Variants in GNB5 observed in about 807,000 individuals in gnomAD.
The protein encoded by GNB5 is G protein subunit beta 5, also known as guanine nucleotide-binding protein subunit beta-5.
A neutral mutation model predicts 55.3 loss-of-function variants in GNB5; 37 were observed. The observed-to-expected ratio is 0.67, with a 90% CI of 0.51 to 0.88. GNB5 has a LOEUF of 0.88. Ranked by LOEUF, GNB5 falls within the 40% of genes least tolerant of loss-of-function variation. The pLI, the probability that GNB5 is intolerant of heterozygous loss-of-function variation, is 0.00. For missense variants in GNB5, 476 were observed against 515.3 expected (o/e 0.92, Z 0.74); for synonymous variants, 219 against 198.5 (o/e 1.10, Z -0.87).
chr15:52,145,518 G>A (rs537339674), intron 6 of GNB5, among the ~76,000 whole-genome samples: 9 of 151,976 alleles, frequency 5.9e-5, no homozygotes, highest in Admixed American at 1.3e-4. Flanking sequence ...GGTGGTGCAC[G>A]CCTGTAGTCC....
chr15:52,139,802 C>A, intron 7 of GNB5: 1 of 1,239,314 alleles, frequency 8.1e-7, no homozygotes, highest in Non-Finnish European at 1.0e-6. Context: ...GAAAAGAAAG[C>A]ACTTTCTCAC....
chr15:52,179,705 T>TC, intron 3 of GNB5, 63 bp downstream of exon 3: 4 of 634,144 alleles, frequency 6.3e-6, no homozygotes, highest in Non-Finnish European at 9.1e-6. Flanking sequence ...GCCCCCGCCG[T>TC]CCCCGCCCGG....
intron 3 of GNB5, among the ~76,000 whole-genome samples, chr15:52,166,782 C>CCAAGA (rs1436241030): frequency 6.6e-6 from 1 of 151,774 alleles, no homozygotes; most frequent in East Asian, 1.9e-4. Flanking sequence ...AATTAGAGAA[C>CCAAGA]CAAGAGCAAA....
intron 3 of GNB5, among the ~76,000 whole-genome samples, chr15:52,155,389 A>C (rs1353064002): frequency 6.6e-6 from 1 of 152,202 alleles, no homozygotes; most frequent in East Asian, 1.9e-4. Context: ...CTATGACAGC[A>C]GCGTCCCTTC....
At chr15:52,171,417 G>A (rs2034552831) in intron 3 of GNB5, among the ~76,000 whole-genome samples, 2 of 152,170 alleles carry the variant, frequency 1.3e-5, no homozygotes, top group Admixed American at 1.3e-4. Flanking sequence ...TAGGTATTGA[G>A]ATTATGAATG....
chr15:52,160,494 A>C (rs2034309282), intron 3 of GNB5, among the ~76,000 whole-genome samples: 1 of 152,222 alleles, frequency 6.6e-6, no homozygotes, highest in Non-Finnish European at 1.5e-5. Flanking sequence ...TGAAAACTAG[A>C]GATCATGTTT....
rs967485902 is a variant in GNB5 at position 52,127,131 on chromosome 15, G to A, written c.912+1065C>T. On this transcript the variant is annotated intron_variant, in intron 10 of 12. Coordinates refer to ENST00000261837, the MANE Select transcript of GNB5 (RefSeq NM_016194.4). ...TGTTTTCAAGCTCTTGATTCATATG[G>A]CAAATCTGCCCTCTAGGAGGGTGGT... 1.7e-4 allele frequency among the ~76,000 whole-genome samples: 26 copies of A among 152,224 alleles called. No individual in the cohort carries two copies. In the South Asian group the frequency reaches 2.1e-3, roughly 12 times the overall value.
chr15:52,128,261 CT>C lies in GNB5; in HGVS notation c.864-18del. ...GGGTAGTACCTGCAGAGAGAAAGTACTTTATCTACGGTTGTGACTCCTGACC... is the reference window on the plus strand; with the variant it reads ...GGGTAGTACCTGCAGAGAGAAAGTACTTATCTACGGTTGTGACTCCTGACC... On this transcript the variant is annotated intron_variant, in intron 9 of 12. Transcript: ENST00000261837. 1 of 1,582,270 alleles carries C rather than the reference CT, an allele frequency of 6.3e-7. No individual in the cohort carries two copies. Among genetic ancestry groups the C allele is most frequent in the Non-Finnish European group, 8.7e-7 (1 of 1,150,926 alleles).
At chr15:52,150,638 G>A (rs1024377805) in intron 4 of GNB5, among the ~76,000 whole-genome samples, 1 of 152,250 alleles carries the variant, frequency 6.6e-6, no homozygotes, top group African/African-American at 2.4e-5. Flanking sequence ...CAGGGTGAAC[G>A]CAGAGCTGGC....
chr15:52,136,113 A>AACACACACACACACAC (rs751263225), intron 7 of GNB5, among the ~76,000 whole-genome samples: 19 of 50,728 alleles, frequency 3.7e-4, no homozygotes, highest in East Asian at 1.1e-3. Flanking sequence ...AAAAGCAGAA[A>AACACACACACACACAC]ACACACACAC....
chr15:52,176,334 C>T (rs570402511), intron 3 of GNB5, among the ~76,000 whole-genome samples: 1 of 152,354 alleles, frequency 6.6e-6, no homozygotes, highest in East Asian at 1.9e-4. Context: ...AATTATTCGA[C>T]TTTGCTAAGC....
intron 3 of GNB5, among the ~76,000 whole-genome samples, chr15:52,162,552 T>G (rs1368194776): frequency 6.6e-6 from 1 of 152,152 alleles, no homozygotes; most frequent in Non-Finnish European, 1.5e-5. Context: ...ATGTCTTAAA[T>G]AGCAAAACAA....
At chr15:52,188,126 A>G (rs2034871533) in intron 1 of GNB5, among the ~76,000 whole-genome samples, 1 of 152,172 alleles carries the variant, frequency 6.6e-6, no homozygotes, top group Admixed American at 6.5e-5. Context: ...TTGGAATTAT[A>G]TGCCATATAC....
intron 5 of GNB5, among the ~76,000 whole-genome samples, chr15:52,148,221 C>T (rs1193844683): frequency 6.6e-6 from 1 of 152,084 alleles, no homozygotes; most frequent in Non-Finnish European, 1.5e-5. Flanking sequence ...AAAATATACT[C>T]TGGAATGACT....
intron 12 of GNB5, chr15:52,123,608 T>C (rs2033334041): frequency 6.6e-6 from 1 of 151,766 alleles, no homozygotes; most frequent in Non-Finnish European, 1.5e-5. Context: ...AGTGGGATGA[T>C]CTTGGCTCAC....
intron 5 of GNB5, 39 bp downstream of exon 5, chr15:52,149,845 T>A: frequency 6.6e-7 from 1 of 1,520,634 alleles, no homozygotes; most frequent in Non-Finnish European, 9.1e-7. Flanking sequence ...AGGCTGGGAT[T>A]CTGAAGCCTC....
chr15:52,173,191 G>C (rs993488769), intron 3 of GNB5, among the ~76,000 whole-genome samples: 32 of 152,184 alleles, frequency 2.1e-4, no homozygotes, highest in African/African-American at 7.5e-4. Flanking sequence ...AGTAATTTTA[G>C]AGAGTGATGA....
At chr15:52,149,569 C>A in intron 5 of GNB5, 1 of 579,396 alleles carries the variant, frequency 1.7e-6, no homozygotes, top group African/African-American at 1.9e-5. Context: ...TCTTATCACT[C>A]AGAAGACAAA....
In GNB5 at chr15:52,184,504, T is replaced by A. The variant is rs2034816628; in HGVS notation, c.126+47A>T. 2.6e-6 allele frequency: 4 copies of A among 1,558,874 alleles called. No individual in the cohort carries two copies. In the East Asian group the frequency reaches 9.0e-5, roughly 35 times the overall value. ...TCTCATCTGTCACAGGACCCTCGCT[T>A]GACTGTTTTAAGACAGATAACTGAA... On this transcript the variant is annotated intron_variant, in intron 2 of 12. Coordinates refer to ENST00000261837, the MANE Select transcript of GNB5 (RefSeq NM_016194.4).
Sources: gnomAD v4.1 joint callset for allele counts (sites outside exome capture counted in the v4.1 genomes callset) on GRCh38, gnomAD v4.1.1 for gene constraint, MANE v1.5 for transcripts, NCBI Gene and HGNC (gene_info 2026-07-23, HGNC 2026-07-21) for gene names.